KLF12: variants seen among roughly 807,000 people sequenced by gnomAD.
The protein encoded by KLF12 is KLF transcription factor 12.
In KLF12, 9 loss-of-function variants were observed where a neutral mutation model predicts 37.8. The observed-to-expected ratio is 0.24, with a 90% CI of 0.14 to 0.42. The LOEUF (loss-of-function observed/expected upper bound fraction) is 0.42, where lower values mean the gene tolerates loss of function less well. Among genes scored for constraint, KLF12 ranks in the 10% least tolerant of loss-of-function variants. The pLI is 1.00. For synonymous variants in KLF12, 208 were observed against 202.1 expected, an observed-to-expected ratio of 1.03 and a Z score of -0.25; for missense variants, 411 against 516.0, an observed-to-expected ratio of 0.80 and a Z score of 1.97.
intron 7 of KLF12, among the ~76,000 whole-genome samples, chr13:73,709,470 T>C (rs1430184987): frequency 6.6e-6 from 1 of 152,180 alleles, no homozygotes; most frequent in Non-Finnish European, 1.5e-5. Context: ...ACTAAGAGCA[T>C]GCAAACCAAC....
the KLF12 span, among the ~76,000 whole-genome samples, chr13:74,246,103 A>G: frequency 1.3e-3 from 200 of 152,350 alleles, 1 homozygote; most frequent in African/African-American, 4.4e-3. Context: ...CCAAATGCCT[A>G]TGCTTCAACA....
chr13:74,078,413 C>T (rs891057942), intron 1 of KLF12, among the ~76,000 whole-genome samples: 1 of 152,174 alleles, frequency 6.6e-6, no homozygotes, highest in Non-Finnish European at 1.5e-5. Flanking sequence ...ACAGAAGACA[C>T]GTGCTTGTGG....
intron 2 of KLF12, among the ~76,000 whole-genome samples, chr13:73,970,974 TTGAC>T (rs560957566): frequency 6.6e-5 from 10 of 152,126 alleles, no homozygotes; most frequent in Non-Finnish European, 1.5e-4. Flanking sequence ...AATGTTAACA[TTGAC>T]TGAGAGAAGG....
the KLF12 span, among the ~76,000 whole-genome samples, chr13:74,302,613 T>G: frequency 2.0e-5 from 3 of 152,254 alleles, no homozygotes; most frequent in East Asian, 5.8e-4. Flanking sequence ...AGAAACTGCT[T>G]GTTGGGATTG....
intron 1 of KLF12, among the ~76,000 whole-genome samples, chr13:74,004,082 T>C (rs916781175): frequency 1.3e-5 from 2 of 152,152 alleles, no homozygotes; most frequent in African/African-American, 2.4e-5. Flanking sequence ...AATTTAAATA[T>C]AGTATCATTC....
intron 2 of KLF12, among the ~76,000 whole-genome samples, chr13:73,951,580 T>A (rs1206113826): frequency 1.3e-5 from 2 of 152,154 alleles, no homozygotes; most frequent in African/African-American, 4.8e-5. Flanking sequence ...GCTCCTGATA[T>A]ATCAAGAGAC....
chr13:74,175,991 T>C, the KLF12 span, among the ~76,000 whole-genome samples: 2 of 152,226 alleles, frequency 1.3e-5, no homozygotes, highest in African/African-American at 4.8e-5. Flanking sequence ...TCAATTCTCT[T>C]GCAATATTTT....
At chr13:74,114,131 G>A (rs1877141789) in intron 1 of KLF12, among the ~76,000 whole-genome samples, 1 of 152,136 alleles carries the variant, frequency 6.6e-6, no homozygotes, top group South Asian at 2.1e-4. Flanking sequence ...GTGGTTTCTT[G>A]AGTTGGAATC....
At chr13:74,263,658 T>C in the KLF12 span, among the ~76,000 whole-genome samples, 1 of 152,206 alleles carries the variant, frequency 6.6e-6, no homozygotes, top group Non-Finnish European at 1.5e-5. Context: ...GAGAATCGCT[T>C]GAACCCAGGA....
intron 5 of KLF12, among the ~76,000 whole-genome samples, chr13:73,785,708 T>C (rs1437871811): frequency 1.3e-5 from 2 of 152,112 alleles, no homozygotes; most frequent in Non-Finnish European, 2.9e-5. Flanking sequence ...CAATAACACT[T>C]AGAGAGTCAT....
At chr13:74,106,386 T>C (rs1722086016) in intron 1 of KLF12, among the ~76,000 whole-genome samples, 1 of 152,206 alleles carries the variant, frequency 6.6e-6, no homozygotes, top group Admixed American at 6.5e-5. Context: ...GTGATTAATA[T>C]ACTTCACTAC....
chr13:74,195,576 C>T, the KLF12 span, among the ~76,000 whole-genome samples: 1 of 152,080 alleles, frequency 6.6e-6, no homozygotes, highest in Non-Finnish European at 1.5e-5. Flanking sequence ...CAGGGAAATT[C>T]CATACATTTA....
chr13:74,239,802 C>G, the KLF12 span, among the ~76,000 whole-genome samples: 7 of 151,722 alleles, frequency 4.6e-5, no homozygotes, highest in Non-Finnish European at 8.8e-5. Flanking sequence ...CTTGGTAGAT[C>G]TTCCTCCATC....
chr13:73,707,538 G>C (rs780167404), intron 7 of KLF12, among the ~76,000 whole-genome samples: 9 of 152,088 alleles, frequency 5.9e-5, no homozygotes, highest in Non-Finnish European at 1.2e-4. Context: ...ATGTCAGTGT[G>C]CTCTTAAATG....
At chr13:74,161,549 C>A in the KLF12 span, among the ~76,000 whole-genome samples, 1 of 152,126 alleles carries the variant, frequency 6.6e-6, no homozygotes, top group Non-Finnish European at 1.5e-5. Context: ...AACAGATTCT[C>A]CCTCAGAACC....
chr13:73,844,677 T>C (rs1203355215), intron 4 of KLF12: 2 of 152,148 alleles, frequency 1.3e-5, no homozygotes, highest in Non-Finnish European at 2.9e-5. Flanking sequence ...TTTCTGTAAG[T>C]TCACAATCAA....
chr13:74,128,151 A>G (rs945619545), intron 1 of KLF12, among the ~76,000 whole-genome samples: 4 of 152,180 alleles, frequency 2.6e-5, no homozygotes, highest in African/African-American at 9.7e-5. Context: ...ATAAATGTTA[A>G]TAATCAGTAA....
the KLF12 span, among the ~76,000 whole-genome samples, chr13:74,154,497 C>T: frequency 6.6e-6 from 1 of 152,114 alleles, no homozygotes; most frequent in Non-Finnish European, 1.5e-5. Context: ...GTTACATGTT[C>T]CAATATTAGA....
At chr13:74,174,930 G>A in the KLF12 span, among the ~76,000 whole-genome samples, 1 of 152,178 alleles carries the variant, frequency 6.6e-6, no homozygotes, top group African/African-American at 2.4e-5. Context: ...CACGATCAGA[G>A]GATATGTGGT....
Sources: allele counts gnomAD v4.1 joint callset (sites outside exome capture counted in the v4.1 genomes callset), GRCh38; gene constraint gnomAD v4.1.1; transcripts MANE v1.5; gene names NCBI Gene and HGNC (gene_info 2026-07-23, HGNC 2026-07-21).